Variants in WDR25 observed in about 807,000 individuals in gnomAD.
The protein encoded by WDR25 is WD repeat domain 25.
Under a neutral mutation model 47.7 loss-of-function variants are expected in WDR25, and 35 were observed. The ratio of observed to expected loss-of-function variants is 0.73; its 90% CI spans 0.56 to 0.97. The LOEUF (loss-of-function observed/expected upper bound fraction) is 0.97. Among genes scored for constraint, WDR25 ranks in the 50% least tolerant of loss-of-function variants. WDR25 has a pLI of 0.00. For missense variants in WDR25, 634 were observed against 704.7 expected (o/e 0.90, Z 1.14); for synonymous variants, 248 against 278.9 (o/e 0.89, Z 1.10).
chr14:100,517,893 A>G (rs1901560087), intron 4 of WDR25, among the ~76,000 whole-genome samples: 2 of 152,166 alleles, frequency 1.3e-5, no homozygotes, highest in Non-Finnish European at 2.9e-5. Context: ...CTAACCAGAT[A>G]AGCCTTTTTA....
chr14:100,474,854 C>T (rs1324503966), intron 3 of WDR25, among the ~76,000 whole-genome samples: 2 of 152,180 alleles, frequency 1.3e-5, no homozygotes, highest in East Asian at 1.9e-4. Flanking sequence ...AGTGAAGAGA[C>T]AGCCCGTGGA....
Position 100,529,047 on chromosome 14 carries a change from T to C in WDR25, c.1273-21T>C, listed in dbSNP as rs201819625. 2 of 1,516,416 alleles carry C rather than the reference T, an allele frequency of 1.3e-6. No individual in the cohort carries two copies. The highest frequency in any genetic ancestry group is 1.4e-5 in the African/African-American group (1 of 72,068). The allele number at this position is 1,516,416 out of a possible 1,614,324, so 93.9% of individuals were successfully genotyped here. On this transcript the variant is annotated intron_variant, in intron 5 of 6. Transcript: ENST00000402312. The surrounding 1 kb of genome is among the most constrained non-coding windows in gnomAD (Gnocchi z 5.1). ...GTTGGGGGTGTCTTCTCTGACCCAT[T>C]TGTGGCTCTGCTGTTCTCAGGAGAG...
In WDR25 at chr14:100,523,082, C is replaced by A. The variant is rs2029939232; in HGVS notation, c.1102-2788C>A. Among the ~76,000 whole-genome samples, 1 of 152,250 alleles carries A rather than the reference C, an allele frequency of 6.6e-6. No individual in the cohort carries two copies. Among genetic ancestry groups the A allele is most frequent in the Non-Finnish European group, 1.5e-5 (1 of 68,048 alleles). On this transcript the variant is annotated intron_variant, in intron 4 of 6. Transcript: ENST00000402312. This position sits in a 1 kb window ranked among gnomAD's most constrained non-coding sequence, Gnocchi z 4.7. ...GCTTTTGTGTGTTGCCTCAGCCCTGCATGCCAGGATGTTGCTGGGAGCCGG... is the reference window on the plus strand; with the variant it reads ...GCTTTTGTGTGTTGCCTCAGCCCTGAATGCCAGGATGTTGCTGGGAGCCGG...
At position 100,440,322 on chromosome 14, in the gene WDR25, CA is replaced by C. The variant is rs1351597407; in HGVS notation, c.823-27698del. Among the ~76,000 whole-genome samples the C allele has an allele frequency of 7.0e-4, 106 of 152,376 alleles. 1 individual carries two copies. The highest frequency in any genetic ancestry group is 1.6e-4 in the Non-Finnish European group (11 of 68,042). ...TTGCAAAATAGCTACTCTCAAAATG[CA>C]GACAGGCAGCCACAGTCAGGGAGCC... On this transcript the variant is annotated intron_variant, in intron 2 of 6. Coordinates refer to ENST00000402312, the MANE Select transcript of WDR25 (RefSeq NM_001161476.3). The surrounding 1 kb of genome is among the most constrained non-coding windows in gnomAD (Gnocchi z 4.4).
intron 2 of WDR25, among the ~76,000 whole-genome samples, chr14:100,382,602 T>C (rs183285967): frequency 5.6e-4 from 86 of 152,308 alleles, no homozygotes; most frequent in Non-Finnish European, 9.6e-4. Flanking sequence ...GGAGGTACAG[T>C]GTGATAGGTC....
chr14:100,464,991 A>C (rs1899576074), intron 2 of WDR25, among the ~76,000 whole-genome samples: 7 of 140,030 alleles, frequency 5.0e-5, no homozygotes, highest in African/African-American at 8.1e-5. Context: ...TGCCTTATCT[A>C]CTCTCCCCTA....
chr14:100,414,141 G>A (rs573028025), intron 2 of WDR25, among the ~76,000 whole-genome samples: 48 of 151,304 alleles, frequency 3.2e-4, no homozygotes, highest in African/African-American at 1.1e-3. Flanking sequence ...GACTACAGGC[G>A]TGCACCACCA....
intron 2 of WDR25, among the ~76,000 whole-genome samples, chr14:100,413,121 C>T (rs937472194): frequency 6.6e-6 from 1 of 152,222 alleles, no homozygotes; most frequent in Non-Finnish European, 1.5e-5. Flanking sequence ...TGAGTCACCA[C>T]AACTGGCCTG....
At chr14:100,413,288 C>T (rs1897763532) in intron 2 of WDR25, among the ~76,000 whole-genome samples, 1 of 152,224 alleles carries the variant, frequency 6.6e-6, no homozygotes, top group African/African-American at 2.4e-5. Context: ...TCCCCTGACC[C>T]ACAGTGTTCT....
intron 2 of WDR25, among the ~76,000 whole-genome samples, chr14:100,438,311 A>G (rs751008821): frequency 6.6e-6 from 1 of 152,220 alleles, no homozygotes; most frequent in Non-Finnish European, 1.5e-5. Context: ...TTTCAGCCCA[A>G]TGAAGATATG....
chr14:100,443,008 G>A (rs1381829299), intron 2 of WDR25, among the ~76,000 whole-genome samples: 1 of 152,200 alleles, frequency 6.6e-6, no homozygotes, highest in Non-Finnish European at 1.5e-5. Flanking sequence ...CAGACCTACC[G>A]CACTGCTCGG....
intron 3 of WDR25, among the ~76,000 whole-genome samples, chr14:100,471,876 T>C (rs1322321798): frequency 6.6e-6 from 1 of 152,250 alleles, no homozygotes; most frequent in African/African-American, 2.4e-5. Context: ...CAATTATTTT[T>C]GGTGCTCTTG....
chr14:100,387,287 C>G (rs1486949310), intron 2 of WDR25, among the ~76,000 whole-genome samples: 1 of 152,126 alleles, frequency 6.6e-6, no homozygotes, highest in Non-Finnish European at 1.5e-5. Context: ...CTCCAACTTA[C>G]TGTAACTCTT....
At position 100,523,614 on chromosome 14, in the gene WDR25, G is replaced by A. The variant is rs148189985; in HGVS notation, c.1102-2256G>A. 9.3e-4 allele frequency among the ~76,000 whole-genome samples: 142 copies of A among 152,244 alleles called. 2 individuals carry two copies. Among genetic ancestry groups the A allele is most frequent in the African/African-American group, 3.1e-3 (128 of 41,544 alleles). ...GAGCCCAGTGACCACCCCCAACCCC[G>A]TGCACTCTGGAAGTGGCAGGAACCC... On this transcript the variant is annotated intron_variant, in intron 4 of 6. Transcript: ENST00000402312. This position sits in a 1 kb window ranked among gnomAD's most constrained non-coding sequence, Gnocchi z 4.7.
chr14:100,528,438 T>TC (rs201878253), intron 5 of WDR25, among the ~76,000 whole-genome samples: 2,619 of 148,448 alleles, frequency 0.018, 71 homozygotes, highest in African/African-American at 0.061. Context: ...TTTCTTTCTT[T>TC]TTTTTTTTTT....
chr14:100,435,741 C>T (rs1195042680), intron 2 of WDR25, among the ~76,000 whole-genome samples: 1 of 152,182 alleles, frequency 6.6e-6, no homozygotes. Context: ...GCTGTCCTGA[C>T]TTCAGAGAGC....
chr14:100,405,079 C>T (rs1897492856), intron 2 of WDR25, among the ~76,000 whole-genome samples: 1 of 152,114 alleles, frequency 6.6e-6, no homozygotes, highest in Non-Finnish European at 1.5e-5. Flanking sequence ...AAGGTGGCAG[C>T]TGGCAGCCAA....
rs1455902626 is a variant in WDR25 at position 100,381,742 on chromosome 14, T to C, written c.818T>C (p.Phe273Ser). 1.9e-6 allele frequency: 3 copies of C among 1,594,912 alleles called. No homozygotes were observed. Among genetic ancestry groups the C allele is most frequent in the Admixed American group, 1.8e-5 (1 of 55,760 alleles). Reference protein sequence around the residue: ...MLLSTSMDKTFKVWNAVDSGH... With the variant: ...MLLSTSMDKTSKVWNAVDSGH... ...CTCTCCACTTCTATGGATAAAACTTTCAAGGTAAGACTTGAATGAAAACTT... is the reference window on the plus strand; with the variant it reads ...CTCTCCACTTCTATGGATAAAACTTCCAAGGTAAGACTTGAATGAAAACTT... The change falls in exon 2 of 7, where the codon TTC (phenylalanine) becomes TCC (serine). Residue 273 changes from phenylalanine to serine, a missense_variant. Phe to Ser is a radical substitution (Grantham distance 155). Transcript: ENST00000402312.
intron 4 of WDR25, among the ~76,000 whole-genome samples, chr14:100,509,446 C>A (rs1388754609): frequency 6.6e-6 from 1 of 152,114 alleles, no homozygotes; most frequent in Non-Finnish European, 1.5e-5. Context: ...TCACTACCCC[C>A]CAGGCTGCAG....
Sources: gnomAD v4.1 joint callset for allele counts (sites outside exome capture counted in the v4.1 genomes callset) on GRCh38, gnomAD v4.1.1 for gene constraint, Gnocchi (gnomAD v3.1) non-coding constraint, MANE v1.5 for transcripts, NCBI Gene and HGNC (gene_info 2026-07-23, HGNC 2026-07-21) for gene names.